Variants in AGAP1 observed in about 807,000 individuals in gnomAD.
AGAP1 encodes the protein ArfGAP with GTPase domain, ankyrin repeat and PH domain 1, also known as arf-GAP with GTPase, ANK repeat and PH domain-containing protein 1.
Under a neutral mutation model 105.3 loss-of-function variants are expected in AGAP1, and 29 were observed. The observed-to-expected ratio is 0.28, with a 90% CI of 0.21 to 0.38. AGAP1 has a LOEUF of 0.38. Among genes scored for constraint, AGAP1 ranks in the 10% least tolerant of loss-of-function variants. The pLI is 1.00. For synonymous variants in AGAP1, 509 were observed against 485.9 expected (o/e 1.05, Z -0.63); for missense variants, 998 against 1,165.1 (o/e 0.86, Z 2.09).
At chr2:235,956,498 T>G (rs1173879603) in intron 12 of AGAP1, among the ~76,000 whole-genome samples, 1 of 151,754 alleles carries the variant, frequency 6.6e-6, no homozygotes, top group East Asian at 1.9e-4. Context: ...CGGCACCAGC[T>G]GGCCCTCTGG....
intron 1 of AGAP1, among the ~76,000 whole-genome samples, chr2:235,628,265 A>C (rs896057922): frequency 2.3e-4 from 35 of 152,106 alleles, no homozygotes; most frequent in African/African-American, 8.2e-4. Flanking sequence ...ACTCAGCGAG[A>C]GTCCCTCACT....
intron 13 of AGAP1, among the ~76,000 whole-genome samples, chr2:236,019,933 A>G (rs1371110469): frequency 6.6e-6 from 1 of 152,232 alleles, no homozygotes; most frequent in Non-Finnish European, 1.5e-5. Context: ...GCTGCCTTCC[A>G]GAACCTGCTC....
intron 1 of AGAP1, among the ~76,000 whole-genome samples, chr2:235,671,374 G>T (rs1030016423): frequency 6.6e-6 from 1 of 152,188 alleles, no homozygotes; most frequent in Non-Finnish European, 1.5e-5. Flanking sequence ...GCGGGAGCGG[G>T]CCCTGAGCTG....
chr2:235,897,331 C>T (rs375890946), intron 10 of AGAP1, among the ~76,000 whole-genome samples: 2 of 152,292 alleles, frequency 1.3e-5, no homozygotes, highest in East Asian at 1.9e-4. Context: ...TGAACCACCA[C>T]GCCTGACCAA....
intron 13 of AGAP1, among the ~76,000 whole-genome samples, chr2:236,016,482 G>T (rs977167847): frequency 6.7e-6 from 1 of 150,218 alleles, no homozygotes; most frequent in Non-Finnish European, 1.5e-5. Flanking sequence ...GGTTTCAAAT[G>T]CAGTGTATAG....
At chr2:235,760,554 C>G (rs532987593) in intron 6 of AGAP1, among the ~76,000 whole-genome samples, 20 of 152,242 alleles carry the variant, frequency 1.3e-4, no homozygotes, top group African/African-American at 4.6e-4. Context: ...ATGAAATCAG[C>G]TTGTTTCTTG....
At chr2:235,833,686 A>G (rs1369724517) in intron 9 of AGAP1, among the ~76,000 whole-genome samples, 1 of 152,140 alleles carries the variant, frequency 6.6e-6, no homozygotes, top group East Asian at 1.9e-4. Flanking sequence ...ATGGAACAAT[A>G]ACTGGTAAAC....
chr2:235,733,057 A>G lies in AGAP1; in HGVS notation c.311-7906A>G, dbSNP rs1000605002. Among the ~76,000 whole-genome samples, 1 of 152,124 alleles carries G rather than the reference A, an allele frequency of 6.6e-6. No homozygotes were observed. The highest frequency in any genetic ancestry group is 6.5e-5 in the Admixed American group (1 of 15,280). On this transcript the variant is annotated intron_variant, in intron 3 of 17. Transcript: ENST00000304032. This position sits in a 1 kb window ranked among gnomAD's most constrained non-coding sequence, Gnocchi z 5.0. ...AGTTGGAGGGAGCTGCCTCCCGTTG[A>G]AAGAGTCTGCCCTTCTTTAGGGACC... is the stretch of plus-strand genomic sequence containing the variant.
At chr2:235,654,394 A>G (rs189871241) in intron 1 of AGAP1, among the ~76,000 whole-genome samples, 1 of 152,348 alleles carries the variant, frequency 6.6e-6, no homozygotes, top group African/African-American at 2.4e-5. Context: ...TGTAACTACA[A>G]TAGCAAGATA....
intron 1 of AGAP1, among the ~76,000 whole-genome samples, chr2:235,707,529 T>A (rs1950603074): frequency 8.8e-6 from 1 of 114,056 alleles, no homozygotes; most frequent in Non-Finnish European, 1.7e-5. Context: ...CTCTGTGACC[T>A]GGTGGGTTGT....
At position 236,046,445 on chromosome 2, in the gene AGAP1, C is replaced by T. The variant is rs1255580231; in HGVS notation, c.1892-2614C>T. 6.6e-6 allele frequency among the ~76,000 whole-genome samples: 1 copy of T among 152,068 alleles called. No individual in the cohort carries two copies. Among genetic ancestry groups the T allele is most frequent in the Non-Finnish European group, 1.5e-5 (1 of 68,024 alleles). The stretch of plus-strand genomic sequence containing the variant: ...TGGGAGCATAAGTTCGAGAAGAAAG[C>T]GTTGGACTTATGAGAGGTTGAGAAC... On this transcript the variant is annotated intron_variant, in intron 15 of 17. Coordinates refer to ENST00000304032, the MANE Select transcript of AGAP1 (RefSeq NM_001037131.3). The surrounding 1 kb of genome is among the most constrained non-coding windows in gnomAD (Gnocchi z 5.2).
chr2:236,060,976 C>T (rs2058178455), intron 16 of AGAP1, among the ~76,000 whole-genome samples: 1 of 151,538 alleles, frequency 6.6e-6, no homozygotes, highest in South Asian at 2.1e-4. Flanking sequence ...GGTGGGAGGA[C>T]CTCTTGAGCC....
In AGAP1 at chr2:235,968,526, C is replaced by T. The variant is rs377419675; in HGVS notation, c.1548C>T (p.Leu516=). Residue 516 remains leucine (L), a synonymous_variant, in exon 13 of 18, where the codon CTC becomes CTT. Transcript: ENST00000304032. ...PSISSTTSPK[L]DPPPSPHANR... ...TCTCCAGCACCACCAGCCCCAAGCTCGACCCGCCCCCCTCCCCTCACGCCA... is the reference window on the plus strand; with the variant it reads ...TCTCCAGCACCACCAGCCCCAAGCTTGACCCGCCCCCCTCCCCTCACGCCA... The T allele has an allele frequency of 3.2e-6, 5 of 1,544,862 alleles. No homozygotes were observed. Among genetic ancestry groups the T allele is most frequent in the East Asian group, 2.3e-5 (1 of 43,088 alleles).
intron 1 of AGAP1, among the ~76,000 whole-genome samples, chr2:235,592,621 G>C (rs1945386044): frequency 6.6e-6 from 1 of 152,164 alleles, no homozygotes; most frequent in Non-Finnish European, 1.5e-5. Flanking sequence ...CTTCACGGGA[G>C]GGGTGTTGAA....
At chr2:235,585,597 A>G (rs1444583698) in intron 1 of AGAP1, among the ~76,000 whole-genome samples, 1 of 152,168 alleles carries the variant, frequency 6.6e-6, no homozygotes, top group East Asian at 1.9e-4. Context: ...TGAGTTCTAC[A>G]TTCATTTTGA....
Position 235,741,178 on chromosome 2 carries a change from C to G in AGAP1, c.396+130C>G. ...GGAAACCCCATAAAAAATGTTTCCT[C>G]TCACTGCATTTTTTTCTCATCTCTA... On this transcript the variant is annotated intron_variant, in intron 4 of 17. Coordinates refer to ENST00000304032, the MANE Select transcript of AGAP1 (RefSeq NM_001037131.3). The surrounding 1 kb of genome is among the most constrained non-coding windows in gnomAD (Gnocchi z 4.9). 3.0e-6 allele frequency: 2 copies of G among 661,852 alleles called. No homozygotes were observed. 41.0% of individuals were successfully genotyped at this position (661,852 alleles called of 1,614,324 possible).
chr2:235,890,032 A>G (rs1215568080), intron 10 of AGAP1, among the ~76,000 whole-genome samples: 4 of 151,984 alleles, frequency 2.6e-5, no homozygotes, highest in Admixed American at 6.6e-5. Context: ...CTCTTCCCCA[A>G]AGGCTTAGGA....
chr2:235,646,270 C>CA (rs3056061), intron 1 of AGAP1, among the ~76,000 whole-genome samples: 12,884 of 112,872 alleles, frequency 0.11, 1,047 homozygotes, highest in East Asian at 0.27. Context: ...ACTCTGTCTC[C>CA]AAAAAAAAAA....
rs928095641 is a variant in AGAP1 at position 235,934,109 on chromosome 2, G to GAGC, written c.1483+3202_1483+3204dup. Among the ~76,000 whole-genome samples the GAGC allele has an allele frequency of 2.6e-5, 4 of 152,084 alleles. No individual in the cohort carries two copies. The highest frequency in any genetic ancestry group is 1.9e-4 in the East Asian group (1 of 5,194). ...ACTGCATGTCAAGGTGTGCCTCCAG[G>GAGC]AGCAGCAGCAGCAGCAGCCCCTGGG... On this transcript the variant is annotated intron_variant, in intron 12 of 17. Coordinates refer to ENST00000304032, the MANE Select transcript of AGAP1 (RefSeq NM_001037131.3). This position sits in a 1 kb window ranked among gnomAD's most constrained non-coding sequence, Gnocchi z 4.9.
Sources: gnomAD v4.1 joint callset for allele counts (sites outside exome capture counted in the v4.1 genomes callset) on GRCh38, gnomAD v4.1.1 for gene constraint, Gnocchi (gnomAD v3.1) non-coding constraint, MANE v1.5 for transcripts, NCBI Gene and HGNC (gene_info 2026-07-23, HGNC 2026-07-21) for gene names.